The following PLXNA4 variants were observed in gnomAD, a reference collection of about 807,000 sequenced individuals.
PLXNA4 encodes the protein plexin A4, also known as plexin-A4.
A neutral mutation model predicts 191.8 loss-of-function variants in PLXNA4; 44 were observed. The ratio of observed to expected loss-of-function variants is 0.23; its 90% CI spans 0.18 to 0.29. The LOEUF (loss-of-function observed/expected upper bound fraction) is 0.29, where lower values mean the gene tolerates loss of function less well. Ranked by LOEUF, PLXNA4 falls within the 10% of genes least tolerant of loss-of-function variation. The pLI, the probability that PLXNA4 is intolerant of heterozygous loss-of-function variation, is 1.00. For missense variants in PLXNA4, 1,800 were observed against 2,488.8 expected, an observed-to-expected ratio of 0.72 and a Z score of 5.89; for synonymous variants, 1,082 against 1,009.5, an observed-to-expected ratio of 1.07 and a Z score of -1.36.
chr7:132,347,049 T>C (rs984288970), intron 3 of PLXNA4, among the ~76,000 whole-genome samples: 1 of 152,106 alleles, frequency 6.6e-6, no homozygotes, highest in South Asian at 2.1e-4. Flanking sequence ...TCTGATTCCA[T>C]TTTTTTTCTT....
intron 21 of PLXNA4, among the ~76,000 whole-genome samples, chr7:132,168,898 T>C (rs1471833889): frequency 6.6e-6 from 1 of 152,224 alleles, no homozygotes; most frequent in Non-Finnish European, 1.5e-5. Context: ...CCCTGTGTCA[T>C]GGCAGAGCAC....
chr7:132,532,515 T>G (rs1799659161), intron 1 of PLXNA4, among the ~76,000 whole-genome samples: 1 of 152,202 alleles, frequency 6.6e-6, no homozygotes, highest in Non-Finnish European at 1.5e-5. Flanking sequence ...CCTGCCTTGT[T>G]TGAAAAAATA....
At chr7:132,459,907 G>A (rs957169746) in intron 3 of PLXNA4, among the ~76,000 whole-genome samples, 25 of 152,200 alleles carry the variant, frequency 1.6e-4, no homozygotes, top group African/African-American at 5.8e-4. Context: ...AATTCATTGT[G>A]TACAAGAGTG....
chr7:132,332,853 CT>C (rs1312176338), intron 3 of PLXNA4, among the ~76,000 whole-genome samples: 3 of 147,010 alleles, frequency 2.0e-5, no homozygotes, highest in African/African-American at 7.6e-5. Context: ...GAGTAAGCCC[CT>C]GTCTCAAAAA....
chr7:132,309,891 A>G (rs1801662395), intron 3 of PLXNA4, among the ~76,000 whole-genome samples: 1 of 152,198 alleles, frequency 6.6e-6, no homozygotes, highest in Non-Finnish European at 1.5e-5. Context: ...AATCAACTGC[A>G]CTAGCAAAGG....
chr7:132,634,571 T>C (rs898126365), intron 2 of PLXNA4, among the ~76,000 whole-genome samples: 5 of 152,146 alleles, frequency 3.3e-5, no homozygotes, highest in African/African-American at 1.2e-4. Flanking sequence ...AACATAGAAC[T>C]TCCTCTAGAT....
At chr7:132,278,588 C>G (rs560911393) in intron 4 of PLXNA4, among the ~76,000 whole-genome samples, 1 of 152,150 alleles carries the variant, frequency 6.6e-6, no homozygotes, top group Non-Finnish European at 1.5e-5. Context: ...ACTAATGGCC[C>G]GAGGCAGGGG....
chr7:132,183,609 C>T (rs554417452), intron 16 of PLXNA4, among the ~76,000 whole-genome samples: 2 of 152,318 alleles, frequency 1.3e-5, no homozygotes, highest in South Asian at 2.1e-4. Context: ...CTGTGAATTT[C>T]GCAGAGAGTT....
At chr7:132,526,884 A>T (rs1799421817) in intron 1 of PLXNA4, among the ~76,000 whole-genome samples, 1 of 152,196 alleles carries the variant, frequency 6.6e-6, no homozygotes, top group African/African-American at 2.4e-5. Context: ...CTAGTGGTCA[A>T]AGACAGACCC....
At position 132,359,219 on chromosome 7, in the gene PLXNA4, T is replaced by TTC. The variant is rs1355746904; in HGVS notation, c.1372-60998_1372-60997insGA. On this transcript the variant is annotated intron_variant, in intron 3 of 31. Transcript: ENST00000321063. ...AAAAAGTCAAGGCTGCTTTTTTTTTTTTTTTTTTTTTTTTATTCCTGAGAC... is the reference window on the plus strand; with the variant it reads ...AAAAAGTCAAGGCTGCTTTTTTTTTTTCTTTTTTTTTTTTTTATTCCTGAGAC... 2.0e-5 allele frequency among the ~76,000 whole-genome samples: 3 copies of TTC among 149,456 alleles called. No homozygotes were observed. The South Asian group carries it at 6.4e-4, about 32-fold the overall frequency.
chr7:132,491,530 G>A (rs1208087233), intron 2 of PLXNA4, among the ~76,000 whole-genome samples: 9 of 152,134 alleles, frequency 5.9e-5, no homozygotes, highest in East Asian at 1.9e-4. Flanking sequence ...AGCAGGCCAC[G>A]TGTAGAGCAG....
At position 132,159,454 on chromosome 7, in the gene PLXNA4, G is replaced by A. The variant is rs752641958; in HGVS notation, c.4660+19C>T. On this transcript the variant is annotated intron_variant, in intron 25 of 31. Coordinates refer to ENST00000321063, the MANE Select transcript of PLXNA4 (RefSeq NM_020911.2). The stretch of plus-strand genomic sequence containing the variant: ...AGGAGCAGCCACAAGGACAGCCCCT[G>A]GGTGGACAGCCTACTCACCCAGATC... The A allele has an allele frequency of 2.5e-6, 4 of 1,613,244 alleles. No homozygotes were observed. The highest frequency in any genetic ancestry group is 3.4e-6 in the Non-Finnish European group (4 of 1,179,590).
At chr7:132,268,152 C>T (rs1023980409) in intron 4 of PLXNA4, among the ~76,000 whole-genome samples, 5 of 152,194 alleles carry the variant, frequency 3.3e-5, no homozygotes, top group Non-Finnish European at 7.4e-5. Flanking sequence ...ACTTGCCAGC[C>T]TCTAGTGCCA....
chr7:132,472,814 G>T (rs887518484), intron 3 of PLXNA4, among the ~76,000 whole-genome samples: 5 of 152,206 alleles, frequency 3.3e-5, no homozygotes, highest in Non-Finnish European at 7.3e-5. Flanking sequence ...ACAGGTGATG[G>T]TGAGGGCGTG....
chr7:132,350,951 C>T (rs1803461604), intron 3 of PLXNA4, among the ~76,000 whole-genome samples: 1 of 152,130 alleles, frequency 6.6e-6, no homozygotes, highest in Non-Finnish European at 1.5e-5. Flanking sequence ...ATATTAGTGG[C>T]AAGGAAAAGG....
At chr7:132,387,361 T>C (rs1805193965) in intron 3 of PLXNA4, among the ~76,000 whole-genome samples, 2 of 152,266 alleles carry the variant, frequency 1.3e-5, no homozygotes, top group African/African-American at 4.8e-5. Flanking sequence ...AAATGTTTTC[T>C]TTCCACTCAA....
At chr7:132,486,473 C>T (rs1050898712) in intron 3 of PLXNA4, among the ~76,000 whole-genome samples, 1 of 152,228 alleles carries the variant, frequency 6.6e-6, no homozygotes, top group Non-Finnish European at 1.5e-5. Flanking sequence ...AGACTGTTCC[C>T]CTGGGCCAGC....
At position 132,430,016 on chromosome 7, in the gene PLXNA4, C is replaced by T. The variant is rs548482521; in HGVS notation, c.1371+59276G>A. Among the ~76,000 whole-genome samples the T allele has an allele frequency of 5.9e-5, 9 of 152,256 alleles. No individual in the cohort carries two copies. The East Asian group carries it at 7.7e-4, about 13-fold the overall frequency. ...CCAGAAGAATATGGAAGAGGAATTG[C>T]GTCTCAATCTGCCCCTCTCTATGCA... is the stretch of plus-strand genomic sequence containing the variant. On this transcript the variant is annotated intron_variant, in intron 3 of 31. Coordinates refer to ENST00000321063, the MANE Select transcript of PLXNA4 (RefSeq NM_020911.2).
Position 132,410,468 on chromosome 7 carries a change from C to G in PLXNA4, c.1371+78824G>C, listed in dbSNP as rs73726045. On this transcript the variant is annotated intron_variant, in intron 3 of 31. Coordinates refer to ENST00000321063, the MANE Select transcript of PLXNA4 (RefSeq NM_020911.2). ...GACAGACCCAAGCCTAGCCTTCCCCCCTCCACAGGGATAACCGTTAGAACT... is the reference window on the plus strand; with the variant it reads ...GACAGACCCAAGCCTAGCCTTCCCCGCTCCACAGGGATAACCGTTAGAACT... Among the ~76,000 whole-genome samples, 623 of 152,338 alleles carry G rather than the reference C, an allele frequency of 4.1e-3. 8 individuals are homozygous for G. The highest frequency in any genetic ancestry group is 0.014 in the African/African-American group (597 of 41,568).
Sources: allele counts gnomAD v4.1 joint callset (sites outside exome capture counted in the v4.1 genomes callset), GRCh38; gene constraint gnomAD v4.1.1; transcripts MANE v1.5; gene names NCBI Gene and HGNC (gene_info 2026-07-23, HGNC 2026-07-21).